The following AHCTF1 variants were observed in gnomAD, a reference collection of about 807,000 sequenced individuals.
The protein encoded by AHCTF1 is AT-hook containing transcription factor 1.
In AHCTF1, 24 loss-of-function variants were observed where a neutral mutation model predicts 248.4. The observed-to-expected ratio is 0.10, with a 90% CI of 0.07 to 0.14. The LOEUF is 0.14. Ranked by LOEUF, AHCTF1 falls within the 10% of genes least tolerant of loss-of-function variation. AHCTF1 has a pLI of 1.00. For missense variants in AHCTF1, 2,206 were observed against 2,636.2 expected (o/e 0.84, Z 3.57); for synonymous variants, 786 against 929.8 (o/e 0.85, Z 2.81).
chr1:246,888,632 GGCATGGTGGCTTATGTCT>G, intron 17 of AHCTF1, 115 bp from the exon 18 acceptor site: 1 of 1,288,156 alleles, frequency 7.8e-7, no homozygotes, highest in East Asian at 2.6e-5. Flanking sequence ...GAAGAGGCTG[GGCATGGTGGCTTATGTCT>G]GTAATCCCAG....
At chr1:246,861,410 T>C in intron 28 of AHCTF1, 115 bp from the exon 29 acceptor site, 1 of 972,722 alleles carries the variant, frequency 1.0e-6, no homozygotes, top group Non-Finnish European at 1.5e-6. Context: ...ACCCAAATTC[T>C]CTCCTTAATA....
At chr1:246,853,378 A>C (rs1660860424) in intron 31 of AHCTF1, 79 bp from the exon 32 acceptor site, 1 of 1,170,808 alleles carries the variant, frequency 8.5e-7, no homozygotes, top group Non-Finnish European at 1.2e-6. Context: ...AGAAAGGAAA[A>C]GGCTACACTG....
intron 24 of AHCTF1, among the ~76,000 whole-genome samples, chr1:246,872,489 C>T (rs760583281): frequency 6.6e-6 from 1 of 152,156 alleles, no homozygotes; most frequent in Non-Finnish European, 1.5e-5. Context: ...CTGGCTTACT[C>T]CAACCAATCC....
intron 20 of AHCTF1, among the ~76,000 whole-genome samples, chr1:246,886,494 C>T (rs1200344576): frequency 1.3e-5 from 2 of 151,646 alleles, no homozygotes; most frequent in African/African-American, 4.9e-5. Context: ...CTTAAAATAC[C>T]CAATGAAATG....
chr1:246,902,337 T>C (rs1665062517), intron 8 of AHCTF1, among the ~76,000 whole-genome samples, 188 bp downstream of exon 8: 1 of 152,240 alleles, frequency 6.6e-6, no homozygotes, highest in South Asian at 2.1e-4. Flanking sequence ...TAATCTATTT[T>C]ATTGTTTAGT....
intron 24 of AHCTF1, among the ~76,000 whole-genome samples, chr1:246,868,723 A>G (rs1662233049): frequency 6.6e-6 from 1 of 151,230 alleles, no homozygotes; most frequent in Non-Finnish European, 1.5e-5. Context: ...AAACAGTCAA[A>G]TCTTCTAAGA....
chr1:246,878,815 C>T (rs1428670726), intron 21 of AHCTF1, among the ~76,000 whole-genome samples: 1 of 152,180 alleles, frequency 6.6e-6, no homozygotes, highest in African/African-American at 2.4e-5. Flanking sequence ...CTCCACAGGG[C>T]TTATACAGGC....
At chr1:246,906,361 C>G (rs1342703613) in intron 5 of AHCTF1, among the ~76,000 whole-genome samples, 1 of 151,726 alleles carries the variant, frequency 6.6e-6, no homozygotes, top group African/African-American at 2.4e-5. Context: ...AGGTGGATCA[C>G]AAGGTCAGGA....
Position 246,855,747 on chromosome 1 carries a change from C to G in AHCTF1, c.4337G>C (p.Arg1446Thr), listed in dbSNP as rs376781120. 2.9e-5 allele frequency: 46 copies of G among 1,611,736 alleles called. No homozygotes were observed. Among genetic ancestry groups the G allele is most frequent in the Non-Finnish European group, 2.2e-5 (26 of 1,178,926 alleles). Reference sequence around the variant, plus strand: ...ATACATACATTTATTGTCATTTGCTCTAATTGCAGGGGTGTAGGTTTCAAC... The same window carrying G: ...ATACATACATTTATTGTCATTTGCTGTAATTGCAGGGGTGTAGGTTTCAAC... The part of the protein sequence containing the change: ...TSVETYTPAI[R>T]ANDNKSMADV... The change falls in exon 31 of 36, where the codon AGA becomes ACA. Residue 1446 changes from arginine to threonine, a missense_variant. Physicochemically the swap from Arg to Thr is moderately conservative, Grantham distance 71. This residue lies in a region of AHCTF1 where 955 missense variants were observed against 1,055.6 expected (regional missense o/e 0.90). Coordinates refer to ENST00000648844, the MANE Select transcript of AHCTF1 (RefSeq NM_001323342.2).
chr1:246,889,630 G>GT (rs1368446829), intron 17 of AHCTF1, among the ~76,000 whole-genome samples: 1 of 152,122 alleles, frequency 6.6e-6, no homozygotes, highest in Non-Finnish European at 1.5e-5. Context: ...TGATTCAGGT[G>GT]TAAGAAACCT....
intron 12 of AHCTF1, among the ~76,000 whole-genome samples, chr1:246,897,425 G>A (rs962921857): frequency 6.6e-6 from 1 of 152,168 alleles, no homozygotes; most frequent in African/African-American, 2.4e-5. Context: ...AAAATGAATT[G>A]CATTTTTCCA....
chr1:246,865,119 G>A (rs1207520176), intron 26 of AHCTF1: 1 of 152,174 alleles, frequency 6.6e-6, no homozygotes, highest in Non-Finnish European at 1.5e-5. Flanking sequence ...CGGGTTTTCA[G>A]GTGGTAATTT....
At position 246,850,305 on chromosome 1, in the gene AHCTF1, T is replaced by C. The variant is rs1209881042; in HGVS notation, c.5701A>G (p.Arg1901Gly). ...GTACTTCTCAATTTTCTGATCATTCTGCTAGGACTTGTTACCGTACTAACT... is the reference window on the plus strand; with the variant it reads ...GTACTTCTCAATTTTCTGATCATTCCGCTAGGACTTGTTACCGTACTAACT... ...LKVSTVTSPS[R>G]MIRKLRSTNL... Residue 1901 changes from arginine (R) to glycine (G), a missense_variant, in exon 33 of 36, where the codon AGA becomes GGA. Transcript: ENST00000648844. The C allele has an allele frequency of 6.2e-7, 1 of 1,613,960 alleles. No individual in the cohort carries two copies. The highest frequency in any genetic ancestry group is 1.7e-5 in the Admixed American group (1 of 60,018).
intron 24 of AHCTF1, among the ~76,000 whole-genome samples, chr1:246,870,961 C>G (rs569786874): frequency 1.3e-5 from 2 of 152,120 alleles, no homozygotes; most frequent in Non-Finnish European, 2.9e-5. Flanking sequence ...TACAACTGAG[C>G]CTTCGAAAAA....
At chr1:246,889,077 T>C (rs1176855021) in intron 17 of AHCTF1, among the ~76,000 whole-genome samples, 1 of 152,178 alleles carries the variant, frequency 6.6e-6, no homozygotes. Context: ...GACCATTCTA[T>C]TTTTCACCAT....
rs1378913611 is a variant in AHCTF1 at position 246,851,237 on chromosome 1, C to T, written c.4769G>A (p.Ser1590Asn). 1.2e-6 allele frequency: 2 copies of T among 1,613,824 alleles called. No homozygotes were observed. Among genetic ancestry groups the T allele is most frequent in the Admixed American group, 1.7e-5 (1 of 59,998 alleles). Residue 1590 changes from serine (S) to asparagine (N), a missense_variant, in exon 33 of 36, where the codon AGC becomes AAC. By Grantham distance (46) the Ser-to-Asn change is conservative. This residue lies in a region of AHCTF1 where 955 missense variants were observed against 1,055.6 expected (regional missense o/e 0.90). Coordinates refer to ENST00000648844, the MANE Select transcript of AHCTF1 (RefSeq NM_001323342.2). ...EVDGELFVAQ[S>N]NFTLILEGEE... Reference sequence around the variant, plus strand: ...ACCTTCCAATATCAAGGTAAAGTTGCTTTGAGCCACAAAAAGTTCCCCATC... The same window carrying T: ...ACCTTCCAATATCAAGGTAAAGTTGTTTTGAGCCACAAAAAGTTCCCCATC...
intron 21 of AHCTF1, 45 bp downstream of exon 21, chr1:246,885,448 T>C (rs1377172903): frequency 8.8e-6 from 13 of 1,481,186 alleles, no homozygotes; most frequent in Non-Finnish European, 1.2e-5. Context: ...TCCATTTTAT[T>C]AACAGATACG....
chr1:246,844,709 G>C (rs759126391), intron 33 of AHCTF1, among the ~76,000 whole-genome samples: 10 of 152,052 alleles, frequency 6.6e-5, no homozygotes, highest in Non-Finnish European at 1.3e-4. Flanking sequence ...GGGTAACAGA[G>C]TGAAAAGCTA....
intron 24 of AHCTF1, among the ~76,000 whole-genome samples, chr1:246,874,684 T>C (rs1662818394): frequency 6.6e-6 from 1 of 152,168 alleles, no homozygotes; most frequent in South Asian, 2.1e-4. Flanking sequence ...AAAATTCAAC[T>C]ACAGCTGGTC....
Sources: allele counts gnomAD v4.1 joint callset (sites outside exome capture counted in the v4.1 genomes callset), GRCh38; gene constraint gnomAD v4.1.1; regional missense constraint gnomAD v4.1.1; transcripts MANE v1.5; gene names NCBI Gene and HGNC (gene_info 2026-07-23, HGNC 2026-07-21).